SNX8: variants seen among roughly 807,000 people sequenced by gnomAD.
The protein encoded by SNX8 is sorting nexin 8.
Under a neutral mutation model 51.6 loss-of-function variants are expected in SNX8, and 25 were observed. The observed-to-expected ratio is 0.48, with a 90% CI of 0.35 to 0.68. The LOEUF is 0.68. SNX8 is among the 30% of genes least tolerant of loss of function. SNX8 has a pLI of 0.00. For missense variants in SNX8, 695 were observed against 624.0 expected (o/e 1.11, Z -1.21); for synonymous variants, 324 against 277.0 (o/e 1.17, Z -1.68).
chr7:2,347,045 T>G (rs1242287916), intron 1 of SNX8, among the ~76,000 whole-genome samples: 3 of 152,052 alleles, frequency 2.0e-5, no homozygotes, highest in Admixed American at 1.3e-4. Flanking sequence ...CAAATAAGTC[T>G]TTGAACAGGG....
At chr7:2,255,850 C>T (rs1448749308) in intron 10 of SNX8, among the ~76,000 whole-genome samples, 3 of 152,188 alleles carry the variant, frequency 2.0e-5, no homozygotes, top group African/African-American at 7.2e-5. Flanking sequence ...AGGAGGGGAG[C>T]GCGGCAGTGA....
At chr7:2,311,042 T>C (rs552789808) in intron 1 of SNX8, among the ~76,000 whole-genome samples, 5 of 152,354 alleles carry the variant, frequency 3.3e-5, no homozygotes, top group Non-Finnish European at 5.9e-5. Flanking sequence ...TGTCCATGTA[T>C]GGCATAACTG....
intron 1 of SNX8, among the ~76,000 whole-genome samples, chr7:2,337,446 C>CAGAAA (rs1554269711): frequency 6.6e-6 from 1 of 150,746 alleles, no homozygotes; most frequent in East Asian, 2.0e-4. Flanking sequence ...AAGACCCTGT[C>CAGAAA]ACAAAACAAA....
intron 1 of SNX8, among the ~76,000 whole-genome samples, chr7:2,310,449 C>T (rs1013350123): frequency 6.6e-6 from 1 of 152,044 alleles, no homozygotes; most frequent in Non-Finnish European, 1.5e-5. Context: ...CACAGCCAGA[C>T]TGTCTCTACA....
intron 1 of SNX8, among the ~76,000 whole-genome samples, chr7:2,304,525 CAG>C (rs1252207886): frequency 6.6e-6 from 1 of 151,314 alleles, no homozygotes; most frequent in Non-Finnish European, 1.5e-5. Flanking sequence ...GCCTGGGCGA[CAG>C]AGCGAGACTC....
intron 1 of SNX8, among the ~76,000 whole-genome samples, chr7:2,339,849 G>A (rs1778890133): frequency 6.6e-6 from 1 of 152,028 alleles, no homozygotes; most frequent in South Asian, 2.1e-4. Context: ...ACAGAATAGA[G>A]AGCCCAGAAA....
At chr7:2,333,139 C>G (rs1778769821) in intron 1 of SNX8, among the ~76,000 whole-genome samples, 1 of 151,444 alleles carries the variant, frequency 6.6e-6, no homozygotes, top group South Asian at 2.1e-4. Context: ...GTCTTGAACT[C>G]CTGACCTCAA....
At chr7:2,350,782 G>A (rs990110166) in intron 1 of SNX8, among the ~76,000 whole-genome samples, 4 of 152,206 alleles carry the variant, frequency 2.6e-5, no homozygotes, top group African/African-American at 9.6e-5. Context: ...GAGTAGCTGG[G>A]ATTACAGGCG....
At chr7:2,311,165 T>C (rs1796650438) in intron 1 of SNX8, among the ~76,000 whole-genome samples, 1 of 152,192 alleles carries the variant, frequency 6.6e-6, no homozygotes, top group Non-Finnish European at 1.5e-5. Flanking sequence ...AGCACATTTT[T>C]TTCTGGCAAC....
chr7:2,285,153 A>T (rs552680708), intron 1 of SNX8, among the ~76,000 whole-genome samples: 1 of 142,762 alleles, frequency 7.0e-6, no homozygotes, highest in African/African-American at 2.6e-5. Flanking sequence ...CAGAAGTTGC[A>T]GTGAGCCGAG....
intron 5 of SNX8, among the ~76,000 whole-genome samples, chr7:2,267,973 G>A: frequency 6.8e-6 from 1 of 146,068 alleles, no homozygotes; most frequent in African/African-American, 2.6e-5. Context: ...CGCCCCATCT[G>A]GGATGTGAGG....
At position 2,270,314 on chromosome 7, in the gene SNX8, C is replaced by CA. The variant is rs57983721; in HGVS notation, c.541-676dup. 7.0e-3 allele frequency among the ~76,000 whole-genome samples: 402 copies of CA among 57,070 alleles called. 95 individuals are homozygous for CA. Among genetic ancestry groups the CA allele is most frequent in the African/African-American group, 0.028 (358 of 12,832 alleles). 37.4% of individuals were successfully genotyped at this position (57,070 alleles called of 152,430 possible). A position where few individuals can be genotyped will look rare whatever the true frequency, so the allele number is the denominator to read the frequency against. On this transcript the variant is annotated intron_variant, in intron 4 of 10. Coordinates refer to ENST00000222990, the MANE Select transcript of SNX8 (RefSeq NM_013321.4). The stretch of plus-strand genomic sequence containing the variant: ...ATCATCTGACTCAACTCTCATTTTA[C>CA]AAAAAAAAAAAAAAAAAAAAAAAAA...
At chr7:2,344,330 A>T (rs1000792990) in intron 1 of SNX8, among the ~76,000 whole-genome samples, 1 of 152,038 alleles carries the variant, frequency 6.6e-6, no homozygotes, top group South Asian at 2.1e-4. Context: ...TTATTAAAAA[A>T]ATTATAGACA....
At chr7:2,331,525 G>A (rs1033067517) in intron 1 of SNX8, among the ~76,000 whole-genome samples, 1 of 151,852 alleles carries the variant, frequency 6.6e-6, no homozygotes, top group African/African-American at 2.4e-5. Flanking sequence ...CTAACACGGT[G>A]AAACCCCGTC....
At chr7:2,256,575 G>A (rs1045297798) in intron 10 of SNX8, among the ~76,000 whole-genome samples, 1 of 152,256 alleles carries the variant, frequency 6.6e-6, no homozygotes, top group African/African-American at 2.4e-5. Context: ...GCCGCAGGGT[G>A]CGGGAGCTCT....
At chr7:2,353,222 A>G (rs1353299558) in intron 1 of SNX8, among the ~76,000 whole-genome samples, 1 of 152,030 alleles carries the variant, frequency 6.6e-6, no homozygotes, top group Non-Finnish European at 1.5e-5. Context: ...ACTAAATTGC[A>G]TATTAAAATG....
At chr7:2,314,535 C>G (rs1313923871), upstream of SNX8, 1 of 1,048,040 alleles carries the variant, frequency 9.5e-7, no homozygotes, top group East Asian at 5.4e-5. Flanking sequence ...CCCCCGCGCG[C>G]CACGCCCACA....
Position 2,255,059 on chromosome 7 carries a change from G to A in SNX8, c.1395C>T (p.His465=), listed in dbSNP as rs1167224828. 3 of 1,558,826 alleles carry A rather than the reference G, an allele frequency of 1.9e-6. No individual in the cohort carries two copies. The highest frequency in any genetic ancestry group is 2.6e-6 in the Non-Finnish European group (3 of 1,149,588). The stretch of plus-strand genomic sequence containing the variant: ...AGCACCACCTCAGCCTCAGGCGCTA[G>A]TGAGGACACAGGCCGTCCTCCGGCG... ...CSPPEDGLCP[H] Residue 465 remains histidine, a synonymous_variant, in exon 11 of 11, where the codon CAC becomes CAT. Transcript: ENST00000222990.
In SNX8 at chr7:2,254,835, G is replaced by A. The variant is rs959502343; in HGVS notation, c.*221C>T. The A allele has an allele frequency of 1.0e-5, 6 of 581,756 alleles. No homozygotes were observed. The highest frequency in any genetic ancestry group is 3.8e-5 in the African/African-American group (2 of 53,136). The allele number at this position is 581,756 out of a possible 1,614,324, so 36.0% of individuals were successfully genotyped here. On this transcript the variant is annotated 3_prime_UTR_variant, in exon 11 of 11. Coordinates refer to ENST00000222990, the MANE Select transcript of SNX8 (RefSeq NM_013321.4). ...TCCAGAGAACCCCACCACCTCTCTC[G>A]ACCAGGCTAGCAGGCCACAGGGCGA...
Sources: gnomAD v4.1 joint callset for allele counts (sites outside exome capture counted in the v4.1 genomes callset) on GRCh38, gnomAD v4.1.1 for gene constraint, MANE v1.5 for transcripts, NCBI Gene and HGNC (gene_info 2026-07-23, HGNC 2026-07-21) for gene names.